Variants in NUDT6 observed in about 807,000 individuals in gnomAD.
NUDT6 encodes nudix hydrolase 6.
A neutral mutation model predicts 36.8 loss-of-function variants in NUDT6; 24 were observed. That is an observed-to-expected ratio of 0.65 (90% CI 0.47 to 0.92). The LOEUF is 0.92. Ranked by LOEUF, NUDT6 falls within the 40% of genes least tolerant of loss-of-function variation. The probability of loss-of-function intolerance (pLI) is 0.00; values close to 1 mark genes in which losing one functional copy is unlikely to be tolerated. For missense variants in NUDT6, 388 were observed against 392.8 expected (o/e 0.99, Z 0.10); for synonymous variants, 163 against 157.0 (o/e 1.04, Z -0.29).
intron 4 of NUDT6, chr4:122,895,099 A>G (rs531899850): frequency 6.6e-6 from 1 of 152,326 alleles, no homozygotes; most frequent in South Asian, 2.1e-4. Flanking sequence ...GAATGGGCAA[A>G]TAAGTGCTTT....
intron 3 of NUDT6, among the ~76,000 whole-genome samples, chr4:122,912,056 G>T (rs550646422): frequency 8.3e-4 from 127 of 152,174 alleles, no homozygotes; most frequent in African/African-American, 3.0e-3. Context: ...CACCTGGAAA[G>T]CTCCTACTCA....
At chr4:122,912,253 G>A (rs771451093) in intron 3 of NUDT6, among the ~76,000 whole-genome samples, 3 of 152,098 alleles carry the variant, frequency 2.0e-5, no homozygotes, top group Non-Finnish European at 4.4e-5. Context: ...GAAACTCATT[G>A]AATGCTGAAT....
In NUDT6 at chr4:122,897,621, C is replaced by T; in HGVS notation, c.553+3G>A. 1 of 1,590,078 alleles carries T rather than the reference C, an allele frequency of 6.3e-7. No individual in the cohort carries two copies. Among genetic ancestry groups the T allele is most frequent in the Non-Finnish European group, 8.6e-7 (1 of 1,158,302 alleles). On this transcript the variant is annotated splice_donor_region_variant and intron_variant, in intron 4 of 4. Transcript: ENST00000304430. ...GCCAATTAAAAATATAAAAGATACA[C>T]ACCAATATCTTCTTCAGGCTCTGAC...
At chr4:122,904,074 C>T (rs1485591163) in intron 3 of NUDT6, among the ~76,000 whole-genome samples, 1 of 152,126 alleles carries the variant, frequency 6.6e-6, no homozygotes, top group East Asian at 1.9e-4. Context: ...GTGAGCTTCC[C>T]TTATCTGACT....
At chr4:122,909,761 T>C (rs979619006) in intron 3 of NUDT6, among the ~76,000 whole-genome samples, 2 of 152,200 alleles carry the variant, frequency 1.3e-5, no homozygotes, top group African/African-American at 4.8e-5. Context: ...CCTAAAGGTA[T>C]GACCTTCAAA....
At chr4:122,894,645 T>C (rs1727295457) in intron 4 of NUDT6, 1 of 152,190 alleles carries the variant, frequency 6.6e-6, no homozygotes, top group South Asian at 2.1e-4. Context: ...GTGCAATACA[T>C]TTGTTATTAA....
At chr4:122,915,465 G>T (rs13107643) in intron 2 of NUDT6, among the ~76,000 whole-genome samples, 63,589 of 108,724 alleles carry the variant, frequency 0.58, 16,898 homozygotes, top group Non-Finnish European at 0.64. Context: ...GTGAGACCCT[G>T]CCTCAAAAAA....
intron 3 of NUDT6, among the ~76,000 whole-genome samples, chr4:122,903,060 A>G (rs1727555422): frequency 6.6e-6 from 1 of 152,184 alleles, no homozygotes; most frequent in Admixed American, 6.5e-5. Context: ...AATAGCTATC[A>G]GTTATATTGA....
In NUDT6 at chr4:122,897,515, G is replaced by C. The variant is rs771186721; in HGVS notation, c.553+109C>G. On this transcript the variant is annotated intron_variant, in intron 4 of 4. Transcript: ENST00000304430. ...ATTTCTGAAATGTTCAGACTCAGTCGGAACAAATTGGAAAATTTAAATTTT... is the reference window on the plus strand; with the variant it reads ...ATTTCTGAAATGTTCAGACTCAGTCCGAACAAATTGGAAAATTTAAATTTT... 1.2e-5 allele frequency: 9 copies of C among 779,972 alleles called. No individual in the cohort carries two copies. The Admixed American group carries it at 1.9e-4, about 17-fold the overall frequency. The allele number at this position is 779,972 out of a possible 1,614,324, so 48.3% of individuals were successfully genotyped here.
intron 2 of NUDT6, among the ~76,000 whole-genome samples, chr4:122,916,114 C>CCAG (rs1056137983): frequency 3.3e-5 from 5 of 152,048 alleles, no homozygotes; most frequent in East Asian, 3.8e-4. Flanking sequence ...GAGACCACCA[C>CCAG]CAGCAGCAGC....
intron 3 of NUDT6, among the ~76,000 whole-genome samples, chr4:122,906,804 A>C (rs1727625303): frequency 6.6e-6 from 1 of 152,192 alleles, no homozygotes; most frequent in African/African-American, 2.4e-5. Context: ...GCAGTAAAGA[A>C]GCCAGCCAAA....
intron 2 of NUDT6, among the ~76,000 whole-genome samples, chr4:122,915,469 C>T (rs1333304990): frequency 2.4e-5 from 1 of 42,250 alleles, no homozygotes; most frequent in Non-Finnish European, 5.0e-5. Flanking sequence ...GACCCTGCCT[C>T]AAAAAAAAAA....
At chr4:122,922,196 A>G in intron 1 of NUDT6, 139 bp downstream of exon 1, 1 of 639,160 alleles carries the variant, frequency 1.6e-6, no homozygotes, top group Non-Finnish European at 2.5e-6. Flanking sequence ...TCCAGAAAAC[A>G]GGTCCAGGTC....
intron 2 of NUDT6, 71 bp downstream of exon 2, chr4:122,917,430 A>G: frequency 8.1e-7 from 1 of 1,231,336 alleles, no homozygotes; most frequent in Non-Finnish European, 1.2e-6. Context: ...CTATTTGCTT[A>G]GCTGTAACAA....
intron 3 of NUDT6, among the ~76,000 whole-genome samples, chr4:122,903,128 C>A (rs970112249): frequency 1.3e-5 from 2 of 152,198 alleles, no homozygotes; most frequent in Middle Eastern, 3.4e-3. Flanking sequence ...ATTTTTATTA[C>A]AACATTGAAC....
intron 3 of NUDT6, 61 bp downstream of exon 3, chr4:122,912,507 T>G (rs1578497562): frequency 6.7e-6 from 8 of 1,192,810 alleles, no homozygotes; most frequent in Non-Finnish European, 9.9e-6. Context: ...TTCTATATTT[T>G]ATTCTTCTCT....
chr4:122,916,329 T>A (rs1727839798), intron 2 of NUDT6, among the ~76,000 whole-genome samples: 1 of 152,254 alleles, frequency 6.6e-6, no homozygotes, highest in Non-Finnish European at 1.5e-5. Flanking sequence ...CTGAAGCTAA[T>A]CAGCCACTTC....
At chr4:122,915,234 T>C (rs1432057027) in intron 2 of NUDT6, among the ~76,000 whole-genome samples, 1 of 152,040 alleles carries the variant, frequency 6.6e-6, no homozygotes, top group Non-Finnish European at 1.5e-5. Flanking sequence ...TTATAACAAA[T>C]GCCAATTATT....
At chr4:122,897,515 G>A (rs771186721) in intron 4 of NUDT6, 109 bp downstream of exon 4, 83 of 779,972 alleles carry the variant, frequency 1.1e-4, no homozygotes, top group Non-Finnish European at 1.4e-4. Context: ...AGACTCAGTC[G>A]GAACAAATTG....
Sources: gnomAD v4.1 joint callset for allele counts (sites outside exome capture counted in the v4.1 genomes callset) on GRCh38, gnomAD v4.1.1 for gene constraint, MANE v1.5 for transcripts, NCBI Gene and HGNC (gene_info 2026-07-23, HGNC 2026-07-21) for gene names.